Variants in RNF157 observed in about 807,000 individuals in gnomAD.
RNF157 encodes E3 ubiquitin ligase RNF157.
In RNF157, 55 loss-of-function variants were observed where a neutral mutation model predicts 88.3. The ratio of observed to expected loss-of-function variants is 0.62; its 90% confidence interval spans 0.50 to 0.78. The LOEUF is 0.78. RNF157 is among the 30% of genes least tolerant of loss of function. The pLI is 0.00. For missense variants in RNF157, 788 were observed against 860.8 expected (o/e 0.92, Z 1.06); for synonymous variants, 334 against 341.2 (o/e 0.98, Z 0.23).
At chr17:76,225,623 G>T in intron 1 of RNF157, 1 of 789,510 alleles carries the variant, frequency 1.3e-6, no homozygotes, top group Non-Finnish European at 1.9e-6. Flanking sequence ...TGTATTTATG[G>T]CATGACCTCA....
At chr17:76,168,295 C>A (rs1345429072) in intron 3 of RNF157, among the ~76,000 whole-genome samples, 1 of 152,118 alleles carries the variant, frequency 6.6e-6, no homozygotes, top group African/African-American at 2.4e-5. Context: ...CTCCGCCATC[C>A]CCCCAGTGTA....
At chr17:76,218,409 G>A (rs567320035) in intron 1 of RNF157, among the ~76,000 whole-genome samples, 121 of 152,282 alleles carry the variant, frequency 7.9e-4, no homozygotes, top group Non-Finnish European at 1.5e-3. Flanking sequence ...GGGAGGCCAA[G>A]GCAGGAGGAT....
At chr17:76,201,923 T>C (rs1443627940) in intron 2 of RNF157, among the ~76,000 whole-genome samples, 1 of 152,144 alleles carries the variant, frequency 6.6e-6, no homozygotes, top group African/African-American at 2.4e-5. Flanking sequence ...AGGAATCATT[T>C]CACACTCTTC....
At chr17:76,178,221 A>C (rs1456936893) in intron 2 of RNF157, among the ~76,000 whole-genome samples, 1 of 152,244 alleles carries the variant, frequency 6.6e-6, no homozygotes, top group African/African-American at 2.4e-5. Flanking sequence ...GGAGCTGCCC[A>C]AGCCAGGGCT....
At chr17:76,225,838 C>T in intron 1 of RNF157, 1 of 1,610,438 alleles carries the variant, frequency 6.2e-7, no homozygotes, top group Non-Finnish European at 8.5e-7. Flanking sequence ...GGGAATCTGC[C>T]CTCTCTTTTA....
At position 76,167,639 on chromosome 17, in the gene RNF157, T is replaced by C; in HGVS notation, c.443+12A>G. On this transcript the variant is annotated intron_variant, in intron 4 of 18. Coordinates refer to ENST00000269391, the MANE Select transcript of RNF157 (RefSeq NM_052916.3). ...TGGGAAGGAAGTGGCTCTCCTGGTCTCCTGATCTTACCTGGCAATACCATT... is the reference window on the plus strand; with the variant it reads ...TGGGAAGGAAGTGGCTCTCCTGGTCCCCTGATCTTACCTGGCAATACCATT... 1 of 1,614,046 alleles carries C rather than the reference T, an allele frequency of 6.2e-7. No individual in the cohort carries two copies. Among genetic ancestry groups the C allele is most frequent in the Non-Finnish European group, 8.5e-7 (1 of 1,179,974 alleles).
intron 2 of RNF157, among the ~76,000 whole-genome samples, chr17:76,180,410 A>G (rs1369833270): frequency 6.6e-6 from 1 of 152,200 alleles, no homozygotes; most frequent in Non-Finnish European, 1.5e-5. Flanking sequence ...AAACTCTGCC[A>G]AAAGAAAGCC....
rs376476911 is a variant in RNF157, at chr17:76,183,233, G to A, written c.208-9443C>T. On this transcript the variant is annotated intron_variant, in intron 2 of 18. Transcript: ENST00000269391. ...ATTCCAGGTGTGAGCCACCACGCCCGGCCTCACGTGGGAATATTTTTGAAA... is the reference window on the plus strand; with the variant it reads ...ATTCCAGGTGTGAGCCACCACGCCCAGCCTCACGTGGGAATATTTTTGAAA... Among the ~76,000 whole-genome samples, 178 of 152,032 alleles carry A rather than the reference G, an allele frequency of 1.2e-3. 3 individuals carry two copies. The South Asian group carries it at 0.022, about 18-fold the overall frequency.
intron 2 of RNF157, among the ~76,000 whole-genome samples, chr17:76,190,494 T>G (rs985953407): frequency 6.6e-6 from 1 of 150,416 alleles, no homozygotes; most frequent in Non-Finnish European, 1.5e-5. Context: ...TAGTTTACAC[T>G]GGGCACAGTG....
rs1187979694 is a variant in RNF157, at chr17:76,165,528, G to C, written c.646C>G (p.His216Asp). The stretch of plus-strand genomic sequence containing the variant: ...TTCTCAAAAGTACCCAGCAGTACAT[G>C]GCAATGGCCAAAATACTCTGAAAGA... ...DEGDEYFGHC[H>D]VLLGTFEKHT... The change falls in exon 7 of 19, where the codon CAT becomes GAT. Residue 216 changes from histidine to aspartate, a missense_variant. His to Asp is a moderately conservative substitution (Grantham distance 81). Transcript: ENST00000269391. 1 of 1,614,214 alleles carries C rather than the reference G, an allele frequency of 6.2e-7. No individual in the cohort carries two copies. Among genetic ancestry groups the C allele is most frequent in the Non-Finnish European group, 8.5e-7 (1 of 1,180,024 alleles).
In RNF157 at chr17:76,185,475, C is replaced by CTTTTTTTTTTTTTTTTTT. The variant is rs71161271; in HGVS notation, c.208-11686_208-11685insAAAAAAAAAAAAAAAAAA. The stretch of plus-strand genomic sequence containing the variant: ...ACTAGTGGTCAGAGATTAGTCCTTT[C>CTTTTTTTTTTTTTTTTTT]TTTTTTTTTTTTGAGACGGAGTCTC... On this transcript the variant is annotated intron_variant, in intron 2 of 18. Transcript: ENST00000269391. Among the ~76,000 whole-genome samples the CTTTTTTTTTTTTTTTTTT allele has an allele frequency of 1.1e-3, 150 of 141,880 alleles. 7 individuals carry two copies. Among genetic ancestry groups the CTTTTTTTTTTTTTTTTTT allele is most frequent in the Middle Eastern group, 3.5e-3 (1 of 286 alleles). 93.1% of individuals were successfully genotyped at this position (141,880 alleles called of 152,430 possible). A position where few individuals can be genotyped will look rare whatever the true frequency, so the allele number is the denominator to read the frequency against.
intron 3 of RNF157, among the ~76,000 whole-genome samples, chr17:76,173,155 G>A (rs1388458921): frequency 2.1e-5 from 3 of 146,250 alleles, no homozygotes; most frequent in East Asian, 3.9e-4. Flanking sequence ...ACGTGGTGGC[G>A]GGCGCCTGTA....
intron 17 of RNF157, chr17:76,154,041 C>A (rs2068723256): frequency 3.9e-6 from 2 of 506,848 alleles, no homozygotes; most frequent in Non-Finnish European, 7.2e-6. Flanking sequence ...CTGTATGTAT[C>A]TCCTGCAGCA....
chr17:76,179,801 A>C (rs1452462759), intron 2 of RNF157, among the ~76,000 whole-genome samples: 2 of 152,254 alleles, frequency 1.3e-5, no homozygotes, highest in East Asian at 3.8e-4. Flanking sequence ...GGACCAAGAA[A>C]GATGAAGCTC....
intron 18 of RNF157, among the ~76,000 whole-genome samples, chr17:76,151,202 T>C (rs2068670167): frequency 6.6e-6 from 1 of 152,208 alleles, no homozygotes; most frequent in African/African-American, 2.4e-5. Context: ...ACTGCCTCTT[T>C]TGGTCTCACT....
intron 2 of RNF157, among the ~76,000 whole-genome samples, chr17:76,196,049 T>C (rs189820626): frequency 2.0e-4 from 31 of 152,358 alleles, no homozygotes; most frequent in African/African-American, 7.2e-4. Context: ...TGGGTATAAA[T>C]ATGATTACAA....
At chr17:76,155,539 G>A in intron 15 of RNF157, 23 bp downstream of exon 15, 1 of 1,607,944 alleles carries the variant, frequency 6.2e-7, no homozygotes, top group Non-Finnish European at 8.5e-7. Flanking sequence ...AGAAGCCAGG[G>A]CGGTTCCCGT....
At chr17:76,227,192 C>T (rs577569797) in intron 1 of RNF157, among the ~76,000 whole-genome samples, 20 of 150,400 alleles carry the variant, frequency 1.3e-4, no homozygotes, top group African/African-American at 3.4e-4. Context: ...ACGATCTTGG[C>T]TCACTGCAAC....
chr17:76,154,364 C>A, intron 16 of RNF157, 36 bp from the exon 17 acceptor site: 2 of 1,468,694 alleles, frequency 1.4e-6, no homozygotes, highest in Non-Finnish European at 1.9e-6. Flanking sequence ...GTCTATGAAG[C>A]GGCAAAATGA....
Sources: allele counts gnomAD v4.1 joint callset (sites outside exome capture counted in the v4.1 genomes callset), GRCh38; gene constraint gnomAD v4.1.1; transcripts MANE v1.5; gene names NCBI Gene and HGNC (gene_info 2026-07-23, HGNC 2026-07-21).